Variants in NAV2 observed in about 807,000 individuals in gnomAD.
NAV2 encodes the protein helicase, APC down-regulated 1.
Under a neutral mutation model 223.2 loss-of-function variants are expected in NAV2, and 54 were observed. That is an observed-to-expected ratio of 0.24 (90% confidence interval 0.19 to 0.30). The LOEUF is 0.30. Among genes scored for constraint, NAV2 ranks in the 10% least tolerant of loss-of-function variants. The pLI is 1.00. For synonymous variants in NAV2, 1,279 were observed against 1,239.3 expected (o/e 1.03, Z -0.67); for missense variants, 2,806 against 3,147.5 (o/e 0.89, Z 2.60).
chr11:20,049,799 G>A (rs754594581), intron 15 of NAV2, 37 bp from the exon 16 acceptor site: 5 of 1,596,884 alleles, frequency 3.1e-6, no homozygotes, highest in African/African-American at 1.3e-5. Flanking sequence ...CCAAGCTAAC[G>A]TTCCTTCTCT....
At chr11:19,952,842 G>A (rs1056742258) in intron 10 of NAV2, among the ~76,000 whole-genome samples, 1 of 152,064 alleles carries the variant, frequency 6.6e-6, no homozygotes, top group African/African-American at 2.4e-5. Context: ...AAGAATTAAG[G>A]GCAAATGCCT....
chr11:20,030,384 AGAGTT>A (rs1438927448), intron 11 of NAV2, among the ~76,000 whole-genome samples: 3 of 152,240 alleles, frequency 2.0e-5, no homozygotes, highest in Non-Finnish European at 4.4e-5. Flanking sequence ...ATAACTTCTT[AGAGTT>A]AACTAGGATT....
chr11:19,644,926 G>T (rs954999894), intron 1 of NAV2, among the ~76,000 whole-genome samples: 2 of 152,200 alleles, frequency 1.3e-5, no homozygotes, highest in Admixed American at 6.5e-5. Flanking sequence ...GGTTGTGGTT[G>T]CCTGGAGCAT....
intron 1 of NAV2, among the ~76,000 whole-genome samples, chr11:19,793,895 G>A (rs1000430960): frequency 6.6e-6 from 1 of 152,142 alleles, no homozygotes; most frequent in African/African-American, 2.4e-5. Flanking sequence ...CTCTTCACAT[G>A]ATGCTTCCTT....
At chr11:19,660,893 G>C (rs2135728446) in intron 1 of NAV2, among the ~76,000 whole-genome samples, 1 of 152,180 alleles carries the variant, frequency 6.6e-6, no homozygotes, top group Non-Finnish European at 1.5e-5. Flanking sequence ...GAGGGAAAGT[G>C]GGGCTTTTGT....
At chr11:19,968,190 TTTTGTTTG>T (rs367723103) in intron 10 of NAV2, among the ~76,000 whole-genome samples, 3 of 151,978 alleles carry the variant, frequency 2.0e-5, no homozygotes, top group Admixed American at 1.3e-4. Flanking sequence ...GTTGATGTAG[TTTTGTTTG>T]TTTGTTTGTT....
chr11:19,931,472 G>A (rs2045330536), intron 6 of NAV2, among the ~76,000 whole-genome samples: 1 of 152,170 alleles, frequency 6.6e-6, no homozygotes, highest in Non-Finnish European at 1.5e-5. Flanking sequence ...TCACGGCACG[G>A]TGCTCACGCC....
At chr11:19,990,147 G>C (rs2051181575) in intron 11 of NAV2, among the ~76,000 whole-genome samples, 1 of 152,148 alleles carries the variant, frequency 6.6e-6, no homozygotes, top group Admixed American at 6.5e-5. Flanking sequence ...ACTGTTCTCA[G>C]ACTTCAAGGA....
chr11:19,819,135 G>C (rs754110467), intron 1 of NAV2, among the ~76,000 whole-genome samples: 2 of 152,142 alleles, frequency 1.3e-5, no homozygotes, highest in African/African-American at 4.8e-5. Context: ...TGTTGTGCTT[G>C]TGTTTTAAAT....
intron 5 of NAV2, among the ~76,000 whole-genome samples, chr11:19,886,522 T>C (rs1206449707): frequency 6.6e-6 from 1 of 152,246 alleles, no homozygotes. Flanking sequence ...CCCACTGCTC[T>C]GGCAAACTGG....
intron 12 of NAV2, among the ~76,000 whole-genome samples, chr11:20,037,967 A>G (rs967501136): frequency 6.6e-6 from 1 of 152,116 alleles, no homozygotes; most frequent in African/African-American, 2.4e-5. Context: ...AGGCTATTAG[A>G]GGTACTGCAG....
At chr11:19,701,939 C>T (rs537432111) in intron 1 of NAV2, among the ~76,000 whole-genome samples, 122 of 152,296 alleles carry the variant, frequency 8.0e-4, no homozygotes, top group African/African-American at 2.9e-3. Context: ...GTTTTGTTGA[C>T]AGCTTTTAGA....
chr11:19,924,324 G>T (rs2044547954), intron 6 of NAV2, among the ~76,000 whole-genome samples: 1 of 150,818 alleles, frequency 6.6e-6, no homozygotes, highest in African/African-American at 2.4e-5. Context: ...AAAAAAAACT[G>T]GTTTTTAGCT....
At chr11:19,715,371 A>G (rs559004667) in intron 1 of NAV2, among the ~76,000 whole-genome samples, 1 of 152,278 alleles carries the variant, frequency 6.6e-6, no homozygotes, top group Admixed American at 6.5e-5. Context: ...TGTTACGTAC[A>G]GGATTTGTCC....
chr11:19,557,043 G>C (rs1451084581), intron 1 of NAV2, among the ~76,000 whole-genome samples: 1 of 152,004 alleles, frequency 6.6e-6, no homozygotes, highest in East Asian at 1.9e-4. Flanking sequence ...GACATGCATT[G>C]CTTCTATCAT....
At chr11:19,936,873 T>C (rs923825246) in intron 7 of NAV2, among the ~76,000 whole-genome samples, 20 of 152,218 alleles carry the variant, frequency 1.3e-4, no homozygotes, top group African/African-American at 4.6e-4. Context: ...CATGGTGGCT[T>C]ACACCTGAAA....
intron 1 of NAV2, among the ~76,000 whole-genome samples, chr11:19,527,149 C>A (rs1041001344): frequency 2.6e-5 from 4 of 151,926 alleles, no homozygotes; most frequent in Non-Finnish European, 4.4e-5. Flanking sequence ...GTGGGAGGGA[C>A]CTTGTGGGAG....
chr11:19,877,470 CTT>C (rs1289323253), intron 4 of NAV2, among the ~76,000 whole-genome samples: 12 of 82,592 alleles, frequency 1.5e-4, no homozygotes, highest in Non-Finnish European at 2.0e-4. Flanking sequence ...TATCTTCATT[CTT>C]TTTTTTTTTT....
At chr11:20,083,947 T>C (rs2060254496) in intron 26 of NAV2, among the ~76,000 whole-genome samples, 1 of 152,230 alleles carries the variant, frequency 6.6e-6, no homozygotes, top group South Asian at 2.1e-4. Context: ...ATAAGTGTCT[T>C]AAGGCCCTGC....
Sources: allele counts gnomAD v4.1 joint callset (sites outside exome capture counted in the v4.1 genomes callset), GRCh38; gene constraint gnomAD v4.1.1; transcripts MANE v1.5; gene names NCBI Gene and HGNC (gene_info 2026-07-23, HGNC 2026-07-21).